Variants in PTPRG observed in about 807,000 individuals in gnomAD.
PTPRG encodes receptor-type tyrosine-protein phosphatase gamma.
In PTPRG, 102 loss-of-function variants were observed where a neutral mutation model predicts 165.3. The observed-to-expected ratio is 0.62, with a 90% CI of 0.53 to 0.73. The LOEUF is 0.73. PTPRG is among the 30% of genes least tolerant of loss of function. The probability of loss-of-function intolerance (pLI) is 0.00; values close to 1 mark genes in which losing one functional copy is unlikely to be tolerated. For synonymous variants in PTPRG, 675 were observed against 669.5 expected (o/e 1.01, Z -0.13); for missense variants, 1,866 against 1,861.4 (o/e 1.00, Z -0.05).
chr3:61,695,290 T>C (rs1276242512), intron 1 of PTPRG, among the ~76,000 whole-genome samples: 1 of 152,186 alleles, frequency 6.6e-6, no homozygotes, highest in Non-Finnish European at 1.5e-5. Context: ...GGATTACAAG[T>C]GTGAGCCACC....
In PTPRG at chr3:61,605,582, A is replaced by G. The variant is rs1463409433; in HGVS notation, c.85+43210A>G. Among the ~76,000 whole-genome samples the G allele has an allele frequency of 7.4e-5, 11 of 149,456 alleles. No individual in the cohort carries two copies. In the East Asian group the frequency reaches 2.0e-3, roughly 27 times the overall value. Reference sequence around the variant, plus strand: ...ATTTTTTTATTTTTTTGTTTTTTTTATTTTTAGAAAGAGTCTTGCTCCGTC... The same window carrying G: ...ATTTTTTTATTTTTTTGTTTTTTTTGTTTTTAGAAAGAGTCTTGCTCCGTC... On this transcript the variant is annotated intron_variant, in intron 1 of 29. Coordinates refer to ENST00000474889, the MANE Select transcript of PTPRG (RefSeq NM_002841.4).
intron 3 of PTPRG, among the ~76,000 whole-genome samples, chr3:61,995,981 G>C (rs547969343): frequency 6.6e-6 from 1 of 151,796 alleles, no homozygotes; most frequent in East Asian, 1.9e-4. Context: ...ATTTGCCTCC[G>C]CTGGGGCATG....
chr3:61,607,197 T>G (rs529821963), intron 1 of PTPRG, among the ~76,000 whole-genome samples: 1 of 152,218 alleles, frequency 6.6e-6, no homozygotes, highest in Non-Finnish European at 1.5e-5. Flanking sequence ...ATTGGTATTC[T>G]GTGTACCTCC....
intron 8 of PTPRG, among the ~76,000 whole-genome samples, chr3:62,179,009 T>C (rs1444032899): frequency 6.6e-6 from 1 of 152,190 alleles, no homozygotes; most frequent in East Asian, 1.9e-4. Flanking sequence ...GTGCCTCTCA[T>C]TGGAGCCATA....
rs141890900 is a variant in PTPRG at position 61,679,960 on chromosome 3, C to T, written c.86-68918C>T. Among the ~76,000 whole-genome samples the T allele has an allele frequency of 3.9e-3, 598 of 152,232 alleles. 3 individuals carry two copies. The highest frequency in any genetic ancestry group is 0.014 in the African/African-American group (566 of 41,540). On this transcript the variant is annotated intron_variant, in intron 1 of 29. Transcript: ENST00000474889. ...TTGTCCCACTTTTCTTCAACTGCCC[C>T]GCTACTGGAACATTTTCTCTTTCTC...
intron 1 of PTPRG, among the ~76,000 whole-genome samples, chr3:61,743,947 T>C (rs1022930739): frequency 1.3e-4 from 20 of 152,360 alleles, no homozygotes; most frequent in African/African-American, 4.8e-4. Context: ...CATAATTTAA[T>C]TTTCTGCACA....
At chr3:62,041,651 A>G (rs1313409867) in intron 4 of PTPRG, among the ~76,000 whole-genome samples, 1 of 152,146 alleles carries the variant, frequency 6.6e-6, no homozygotes, top group Non-Finnish European at 1.5e-5. Context: ...GGGAGATTAT[A>G]CAGGATTCAA....
At chr3:62,043,944 G>A (rs1022483281) in intron 4 of PTPRG, among the ~76,000 whole-genome samples, 3 of 152,174 alleles carry the variant, frequency 2.0e-5, no homozygotes, top group East Asian at 3.9e-4. Flanking sequence ...TGTACAGGGA[G>A]CTAGAAGCAA....
At position 62,168,094 on chromosome 3, in the gene PTPRG, G is replaced by A. The variant is rs755528856; in HGVS notation, c.964G>A (p.Val322Ile). The A allele has an allele frequency of 7.4e-6, 12 of 1,613,930 alleles. No individual in the cohort carries two copies. The African/African-American group carries it at 9.3e-5, about 13-fold the overall frequency. The stretch of plus-strand genomic sequence containing the variant: ...TGACAGGGTGGTGTCCAAGTCCGCC[G>A]TCCGTGACTCCTGGAACCACGACAT... ...LHDRVVSKSAVRDSWNHDMTD... is the reference protein window; with the variant it reads ...LHDRVVSKSAIRDSWNHDMTD... Residue 322 changes from valine to isoleucine, a missense_variant, in exon 8 of 30, where the codon GTC (valine) becomes ATC (isoleucine). By Grantham distance (29) the Val-to-Ile change is conservative. Transcript: ENST00000474889.
chr3:62,031,048 T>G (rs1355154700), intron 4 of PTPRG, among the ~76,000 whole-genome samples: 1 of 152,214 alleles, frequency 6.6e-6, no homozygotes, highest in East Asian at 1.9e-4. Context: ...TGGGAAAAGG[T>G]GAAACAACTG....
chr3:61,964,085 C>G (rs2040215177), intron 2 of PTPRG, among the ~76,000 whole-genome samples: 1 of 152,160 alleles, frequency 6.6e-6, no homozygotes, highest in Non-Finnish European at 1.5e-5. Flanking sequence ...GGAAAACAAA[C>G]TTTTATCAGT....
chr3:61,862,797 C>T (rs528905077), intron 2 of PTPRG, among the ~76,000 whole-genome samples: 23 of 151,960 alleles, frequency 1.5e-4, no homozygotes, highest in Non-Finnish European at 2.5e-4. Flanking sequence ...AGGGAGTTCT[C>T]TCTTGTTTTC....
intron 1 of PTPRG, among the ~76,000 whole-genome samples, chr3:61,653,931 A>G (rs1260417305): frequency 1.3e-5 from 2 of 151,976 alleles, no homozygotes; most frequent in African/African-American, 2.4e-5. Context: ...GGGAACATGT[A>G]AGGCTAATTA....
At chr3:62,266,761 C>A (rs1701888233) in intron 17 of PTPRG, among the ~76,000 whole-genome samples, 1 of 149,768 alleles carries the variant, frequency 6.7e-6, no homozygotes, top group Admixed American at 6.7e-5. Context: ...AAAATTATAA[C>A]CTCAGCTTCC....
rs1009641830 is a variant in PTPRG, at chr3:61,930,781, C to G, written c.191-58844C>G. 2.0e-5 allele frequency among the ~76,000 whole-genome samples: 3 copies of G among 152,176 alleles called. No homozygotes were observed. In the South Asian group the frequency reaches 6.2e-4, roughly 32 times the overall value. On this transcript the variant is annotated intron_variant, in intron 2 of 29. Transcript: ENST00000474889. ...AGCACGTAAAAGAAGGCAGTGCGGCCAGGCGCAGTGGCTCATGCTTGTAAT... is the reference window on the plus strand; with the variant it reads ...AGCACGTAAAAGAAGGCAGTGCGGCGAGGCGCAGTGGCTCATGCTTGTAAT...
rs368802810 is a variant in PTPRG, at chr3:62,183,566, T to TAA, written c.1034-7886_1034-7885dup. Reference sequence around the variant, plus strand: ...GCGACAGAGTGAGACTCGTCTCAATTAAAAAAAAAAAAAAAAAAGAATGGC... The same window carrying TAA: ...GCGACAGAGTGAGACTCGTCTCAATTAAAAAAAAAAAAAAAAAAAAGAATGGC... On this transcript the variant is annotated intron_variant, in intron 8 of 29. Transcript: ENST00000474889. Among the ~76,000 whole-genome samples the TAA allele has an allele frequency of 6.1e-3, 789 of 128,776 alleles. 3 individuals are homozygous for TAA. Among genetic ancestry groups the TAA allele is most frequent in the African/African-American group, 0.02 (681 of 34,194 alleles). 84.5% of individuals were successfully genotyped at this position (128,776 alleles called of 152,430 possible).
intron 2 of PTPRG, among the ~76,000 whole-genome samples, chr3:61,833,720 G>A (rs62243186): frequency 5.0e-4 from 76 of 152,052 alleles, no homozygotes; most frequent in Non-Finnish European, 9.3e-4. Context: ...CCGCCACCAC[G>A]CCTGGCTACT....
intron 2 of PTPRG, among the ~76,000 whole-genome samples, chr3:61,860,376 A>G (rs187484684): frequency 2.5e-3 from 374 of 148,520 alleles, no homozygotes; most frequent in Middle Eastern, 0.021. Context: ...AAAAAAATAC[A>G]TGACTTTTCT....
chr3:61,598,459 G>A (rs4688638), intron 1 of PTPRG, among the ~76,000 whole-genome samples: 34,796 of 151,968 alleles, frequency 0.23, 4,792 homozygotes, highest in Middle Eastern at 0.32. Context: ...TGCTGTCCCC[G>A]TCCTGTCTCT....
Sources: allele counts gnomAD v4.1 joint callset (sites outside exome capture counted in the v4.1 genomes callset), GRCh38; gene constraint gnomAD v4.1.1; transcripts MANE v1.5; gene names NCBI Gene and HGNC (gene_info 2026-07-23, HGNC 2026-07-21).